The following EPB41L5 variants were observed in gnomAD, a reference collection of about 807,000 sequenced individuals.
EPB41L5 encodes band 4.1-like protein 5.
A neutral mutation model predicts 106.6 loss-of-function variants in EPB41L5; 55 were observed. That is an observed-to-expected ratio of 0.52 (90% CI 0.42 to 0.65). EPB41L5 has a LOEUF of 0.65. Ranked by LOEUF, EPB41L5 falls within the 30% of genes least tolerant of loss-of-function variation. The pLI is 0.00. For synonymous variants in EPB41L5, 297 were observed against 306.7 expected (o/e 0.97, Z 0.33); for missense variants, 871 against 882.1 (o/e 0.99, Z 0.16).
In EPB41L5 at chr2:120,042,103, A is replaced by G; in HGVS notation, c.278A>G (p.Gln93Arg). 1 of 1,612,776 alleles carries G rather than the reference A, an allele frequency of 6.2e-7. No homozygotes were observed. ...YFGLRFMDSA[Q>R]VAHWLDGTKS... is the part of the protein sequence containing the mutation. ...GGTCTGAGATTTATGGATTCAGCAC[A>G]AGTAGCAGTGAGTAACTGTTTTTTG... The change falls in exon 3 of 25, where the codon CAA (glutamine) becomes CGA (arginine). Residue 93 changes from glutamine to arginine, a missense_variant. Physicochemically the swap from Gln to Arg is conservative, Grantham distance 43. Transcript: ENST00000263713.
At chr2:120,039,014 A>G (rs752775800) in intron 2 of EPB41L5, among the ~76,000 whole-genome samples, 1 of 152,228 alleles carries the variant, frequency 6.6e-6, no homozygotes, top group Non-Finnish European at 1.5e-5. Flanking sequence ...ATTTTGATAT[A>G]TTTTGCAATA....
chr2:120,069,012 C>T (rs1450151965), intron 3 of EPB41L5, among the ~76,000 whole-genome samples: 1 of 151,470 alleles, frequency 6.6e-6, no homozygotes. Context: ...CCTGTAATCC[C>T]AGCTACTTGG....
At chr2:120,106,353 G>A (rs1684452520) in intron 16 of EPB41L5, 1 of 984,706 alleles carries the variant, frequency 1.0e-6, no homozygotes, top group Non-Finnish European at 1.2e-6. Context: ...ATCAAATATT[G>A]CAAATACTTG....
chr2:120,066,115 C>A (rs1347913472), intron 3 of EPB41L5, among the ~76,000 whole-genome samples: 6 of 151,862 alleles, frequency 4.0e-5, no homozygotes, highest in African/African-American at 1.5e-4. Context: ...AACTGATGAC[C>A]ATATAGTTTT....
intron 3 of EPB41L5, among the ~76,000 whole-genome samples, chr2:120,060,517 G>C (rs992583288): frequency 6.6e-6 from 1 of 152,120 alleles, no homozygotes; most frequent in Non-Finnish European, 1.5e-5. Context: ...GTATCAAAAG[G>C]TTATATATTA....
chr2:120,029,481 G>C (rs1015677735), intron 2 of EPB41L5, among the ~76,000 whole-genome samples: 3 of 152,142 alleles, frequency 2.0e-5, no homozygotes, highest in African/African-American at 7.2e-5. Context: ...TAGGTAATTG[G>C]TTTTATATAC....
chr2:120,098,154 T>TGTGTGTGTG (rs1553506352), intron 14 of EPB41L5, among the ~76,000 whole-genome samples: 1 of 9,774 alleles, frequency 1.0e-4, no homozygotes, highest in Admixed American at 1.0e-3. Context: ...AAATTGTTTG[T>TGTGTGTGTG]TTTGTGTGTG....
intron 14 of EPB41L5, among the ~76,000 whole-genome samples, chr2:120,099,671 C>T (rs1242561919): frequency 6.6e-6 from 1 of 152,136 alleles, no homozygotes; most frequent in African/African-American, 2.4e-5. Context: ...TCGTGATCGC[C>T]CACCTCAGCC....
intron 16 of EPB41L5, among the ~76,000 whole-genome samples, chr2:120,115,933 C>A (rs1461287578): frequency 1.3e-5 from 2 of 152,036 alleles, no homozygotes; most frequent in Non-Finnish European, 2.9e-5. Flanking sequence ...CCTCATCCTC[C>A]TAAGTAGCTG....
intron 3 of EPB41L5, among the ~76,000 whole-genome samples, chr2:120,071,406 C>CA (rs1347290973): frequency 6.6e-6 from 1 of 152,048 alleles, no homozygotes; most frequent in Non-Finnish European, 1.5e-5. Context: ...CCATACTGCT[C>CA]AAAGTAATTT....
intron 3 of EPB41L5, among the ~76,000 whole-genome samples, chr2:120,049,919 A>T (rs1017594125): frequency 5.9e-5 from 9 of 152,250 alleles, no homozygotes; most frequent in Admixed American, 1.3e-4. Flanking sequence ...TCCTTCACTT[A>T]TGAAGCTTAG....
intron 3 of EPB41L5, among the ~76,000 whole-genome samples, chr2:120,060,005 T>C (rs1254254703): frequency 6.6e-6 from 1 of 152,182 alleles, no homozygotes; most frequent in Non-Finnish European, 1.5e-5. Context: ...GACAAATTCA[T>C]GAAAAGATGT....
At chr2:120,060,331 T>C (rs1334926110) in intron 3 of EPB41L5, among the ~76,000 whole-genome samples, 1 of 152,226 alleles carries the variant, frequency 6.6e-6, no homozygotes, top group African/African-American at 2.4e-5. Context: ...CATAGCATCT[T>C]TATTTGTAGT....
chr2:120,088,713 A>T (rs1032511447), intron 11 of EPB41L5, among the ~76,000 whole-genome samples: 4 of 127,090 alleles, frequency 3.1e-5, no homozygotes, highest in Admixed American at 1.8e-4. Flanking sequence ...CCCACCAGCA[A>T]TGTTATTGGT....
chr2:120,120,601 AAAAC>A (rs1240754275), intron 16 of EPB41L5, among the ~76,000 whole-genome samples: 1 of 152,044 alleles, frequency 6.6e-6, no homozygotes, highest in Non-Finnish European at 1.5e-5. Context: ...TTTTTTAAAA[AAAAC>A]CTCTCATTAA....
chr2:120,141,216 G>A (rs1010593632), intron 18 of EPB41L5, among the ~76,000 whole-genome samples: 6 of 152,050 alleles, frequency 3.9e-5, no homozygotes, highest in Non-Finnish European at 7.4e-5. Context: ...TGTGGAATTC[G>A]CAGACGAGTG....
intron 24 of EPB41L5, among the ~76,000 whole-genome samples, chr2:120,172,945 G>T (rs1336740965): frequency 6.6e-6 from 1 of 152,150 alleles, no homozygotes; most frequent in East Asian, 1.9e-4. Context: ...TGAGAGGTTA[G>T]GGATAGATGA....
intron 1 of EPB41L5, 40 bp from the exon 2 acceptor site, chr2:120,019,036 AT>A: frequency 6.5e-7 from 1 of 1,535,142 alleles, no homozygotes; most frequent in Non-Finnish European, 8.8e-7. Context: ...GGAGAATCTC[AT>A]TTTTTTCCTG....
At chr2:120,127,390 C>T (rs74524729) in intron 16 of EPB41L5, among the ~76,000 whole-genome samples, 3,199 of 152,244 alleles carry the variant, frequency 0.021, 107 homozygotes, top group African/African-American at 0.073. Flanking sequence ...AATCCGCAGA[C>T]GCGCAAGTGC....
Sources: allele counts gnomAD v4.1 joint callset (sites outside exome capture counted in the v4.1 genomes callset), GRCh38; gene constraint gnomAD v4.1.1; transcripts MANE v1.5; gene names NCBI Gene and HGNC (gene_info 2026-07-23, HGNC 2026-07-21).